Variants in ADGRD2 observed in about 807,000 individuals in gnomAD.
ADGRD2 encodes the protein G protein-coupled receptor PGR24.
Under a neutral mutation model 44.4 loss-of-function variants are expected in ADGRD2, and 71 were observed. That is an observed-to-expected ratio of 1.60 (90% confidence interval 1.32 to 1.95). The LOEUF is 1.95. Among genes scored for constraint, ADGRD2 ranks in the 30% most tolerant of loss-of-function variants. The probability of loss-of-function intolerance (pLI) is 0.00; values close to 1 mark genes in which losing one functional copy is unlikely to be tolerated. For missense variants in ADGRD2, 1,039 were observed against 512.4 expected, an observed-to-expected ratio of 2.03 and a Z score of -9.92; for synonymous variants, 481 against 224.8, an observed-to-expected ratio of 2.14 and a Z score of -10.19.
intron 1 of ADGRD2, 117 bp downstream of exon 4, chr9:124,452,271 C>G (rs1303159924): frequency 2.0e-5 from 13 of 636,274 alleles, no homozygotes; most frequent in Non-Finnish European, 3.8e-5. Flanking sequence ...TTTAGTTCCA[C>G]CCCCACCATA....
intron 17 of ADGRD2, among the ~76,000 whole-genome samples, chr9:124,474,100 A>G (rs1025162022): frequency 3.3e-5 from 5 of 151,978 alleles, no homozygotes; most frequent in Non-Finnish European, 7.4e-5. Context: ...ATATGGTGAA[A>G]CCCTGTCTCT....
intron 12 of ADGRD2, 26 bp downstream of exon 15, chr9:124,467,850 T>C: frequency 4.2e-6 from 3 of 718,074 alleles, no homozygotes; most frequent in East Asian, 5.4e-5. Flanking sequence ...CACTGTAGCC[T>C]GGTGGCCTGG....
At chr9:124,473,394 G>C (rs1300406460) in intron 17 of ADGRD2, among the ~76,000 whole-genome samples, 2 of 152,238 alleles carry the variant, frequency 1.3e-5, no homozygotes, top group Admixed American at 1.3e-4. Flanking sequence ...GTGAGGCCTG[G>C]AGAAGTGGCA....
chr9:124,466,532 G>T (rs560530424), intron 11 of ADGRD2, 119 bp downstream of exon 14: 53 of 557,130 alleles, frequency 9.5e-5, no homozygotes, highest in Non-Finnish European at 1.7e-4. Flanking sequence ...AGATTGTCGG[G>T]GACAGGGCTG....
chr9:124,468,457 C>A, intron 13 of ADGRD2, 62 bp from the exon 17 acceptor site: 1 of 715,290 alleles, frequency 1.4e-6, no homozygotes, highest in South Asian at 1.5e-5. Flanking sequence ...GCATGGGCCG[C>A]GGGGCTGGCC....
chr9:124,472,589 C>T (rs1178061694), intron 17 of ADGRD2, among the ~76,000 whole-genome samples: 5 of 152,148 alleles, frequency 3.3e-5, no homozygotes, highest in African/African-American at 1.2e-4. Flanking sequence ...TCACTGTAAC[C>T]TCTGACTCCC....
At chr9:124,462,327 C>A (rs1831737398) in intron 10 of ADGRD2, among the ~76,000 whole-genome samples, 1 of 152,126 alleles carries the variant, frequency 6.6e-6, no homozygotes. Context: ...CCTTAGCCTC[C>A]CAAAGTGCTG....
chr9:124,453,330 G>T (rs1036609523), exon 3 of ADGRD2: 8 of 504,048 alleles, frequency 1.6e-5, no homozygotes, highest in Non-Finnish European at 2.4e-5. Context: ...GGCACCATGT[G>T]TGCGCCACGT....
upstream of ADGRD2, among the ~76,000 whole-genome samples, chr9:124,450,709 T>C (rs897628067): frequency 2.6e-5 from 4 of 152,094 alleles, no homozygotes; most frequent in Non-Finnish European, 5.9e-5. Flanking sequence ...CAGGCAGACG[T>C]GAACGAGGGA....
chr9:124,457,437 C>G (rs1173922211), intron 7 of ADGRD2, 35 bp from the exon 11 acceptor site: 2 of 559,944 alleles, frequency 3.6e-6, no homozygotes, highest in Admixed American at 5.8e-5. Flanking sequence ...AGACCTCACT[C>G]CGAGGTCCAG....
intron 17 of ADGRD2, among the ~76,000 whole-genome samples, chr9:124,471,225 G>C (rs1359893881): frequency 6.6e-6 from 1 of 152,050 alleles, no homozygotes; most frequent in Non-Finnish European, 1.5e-5. Context: ...AGTCAGGGAG[G>C]CCCTTCCTGG....
intron 3 of ADGRD2, 30 bp from the exon 7 acceptor site, chr9:124,453,969 G>A: frequency 1.6e-6 from 1 of 642,106 alleles, no homozygotes; most frequent in Non-Finnish European, 2.8e-6. Flanking sequence ...GTCCCCTAGG[G>A]AGCCCTGACA....
chr9:124,452,340 G>A, intron 1 of ADGRD2, 170 bp from the exon 5 acceptor site: 1 of 642,104 alleles, frequency 1.6e-6, no homozygotes, highest in Non-Finnish European at 2.9e-6. Context: ...TTGCGCAGAT[G>A]ACGAAAAGAG....
rs2131227919 is a variant in ADGRD2 at position 124,454,242 on chromosome 9, G to C, written c.1022+145G>C. 1.7e-6 allele frequency: 1 copy of C among 597,440 alleles called. No individual in the cohort carries two copies. The highest frequency in any genetic ancestry group is 2.8e-5 in the East Asian group (1 of 36,086). 37.0% of individuals were successfully genotyped at this position (597,440 alleles called of 1,614,324 possible). A position where few individuals can be genotyped will look rare whatever the true frequency, so the allele number is the denominator to read the frequency against. ...AGGTCTCCATGGAGTCTAGGCCACA[G>C]AGCAGTGGGTCCAGACGGACCTAAG... On this transcript the variant is annotated intron_variant, in intron 4 of 21. Transcript: ENST00000334810. The surrounding 1 kb of genome is among the most constrained non-coding windows in gnomAD (Gnocchi z 4.5).
At chr9:124,466,763 T>A (rs1831832081) in intron 11 of ADGRD2, 1 of 165,272 alleles carries the variant, frequency 6.1e-6, no homozygotes, top group African/African-American at 2.4e-5. Flanking sequence ...TGAGCCAAGG[T>A]CACACCACTG....
At position 124,454,091 on chromosome 9, in the gene ADGRD2, C is replaced by G. The variant is rs1326955060; in HGVS notation, c.1018C>G (p.Arg340Gly). The G allele has an allele frequency of 1.4e-6, 1 of 703,094 alleles. No individual in the cohort carries two copies. Among genetic ancestry groups the G allele is most frequent in the Non-Finnish European group, 2.6e-6 (1 of 378,760 alleles). 43.6% of individuals were successfully genotyped at this position (703,094 alleles called of 1,614,324 possible). The stretch of plus-strand genomic sequence containing the variant: ...GCCGCAGCCCTTCCTCTGCTGCTAC[C>G]GGACAGGTGCGCCCTGGCTGTACCC... Residue 340 changes from arginine to glycine, a missense_variant, in exon 4 of 22, where the codon CGG (arginine) becomes GGG (glycine). By Grantham distance (125) the Arg-to-Gly change is moderately radical. Coordinates refer to ENST00000334810, the Ensembl canonical transcript of ADGRD2. The surrounding 1 kb of genome is among the most constrained non-coding windows in gnomAD (Gnocchi z 4.5).
chr9:124,475,984 T>G (rs1316390627), intron 19 of ADGRD2, among the ~76,000 whole-genome samples: 1 of 152,190 alleles, frequency 6.6e-6, no homozygotes, highest in Admixed American at 6.5e-5. Flanking sequence ...CATTCCCCAC[T>G]GCCAGGAAAC....
At chr9:124,462,949 T>TCTCTC (rs1398375430) in intron 10 of ADGRD2, among the ~76,000 whole-genome samples, 3 of 150,106 alleles carry the variant, frequency 2.0e-5, no homozygotes, top group African/African-American at 7.4e-5. Context: ...CTCTCTCTCC[T>TCTCTC]TCCTTCCTTC....
intron 10 of ADGRD2, among the ~76,000 whole-genome samples, chr9:124,459,901 G>A (rs1194559265): frequency 3.3e-5 from 5 of 152,126 alleles, no homozygotes; most frequent in Non-Finnish European, 7.3e-5. Flanking sequence ...GACCAAGTGT[G>A]CAATGGAATA....
Sources: gnomAD v4.1 joint callset for allele counts (sites outside exome capture counted in the v4.1 genomes callset) on GRCh38, gnomAD v4.1.1 for gene constraint, Gnocchi (gnomAD v3.1) non-coding constraint, MANE v1.5 for transcripts, NCBI Gene and HGNC (gene_info 2026-07-23, HGNC 2026-07-21) for gene names.